LRRTM4: variants seen among roughly 807,000 people sequenced by gnomAD.
The protein encoded by LRRTM4 is leucine rich repeat transmembrane neuronal 4, also known as leucine-rich repeat transmembrane neuronal protein 4.
LRRTM4 carries 25 observed loss-of-function variants against 47.6 expected under a neutral mutation model. That is an observed-to-expected ratio of 0.53 (90% confidence interval 0.38 to 0.73). The LOEUF (loss-of-function observed/expected upper bound fraction) is 0.73, where lower values mean the gene tolerates loss of function less well. LRRTM4 is among the 30% of genes least tolerant of loss of function. LRRTM4 has a pLI of 0.00. For missense variants in LRRTM4, 638 were observed against 713.4 expected (o/e 0.89, Z 1.20); for synonymous variants, 311 against 269.5 (o/e 1.15, Z -1.51).
At chr2:76,923,343 T>G (rs6708694) in intron 3 of LRRTM4, among the ~76,000 whole-genome samples, 11,481 of 151,982 alleles carry the variant, frequency 0.076, 1,074 homozygotes, top group African/African-American at 0.21. Flanking sequence ...GTAGAAAGTT[T>G]GTGAGCTGGT....
At chr2:76,914,471 T>C (rs1056686751) in intron 3 of LRRTM4, among the ~76,000 whole-genome samples, 1 of 152,150 alleles carries the variant, frequency 6.6e-6, no homozygotes, top group East Asian at 1.9e-4. Flanking sequence ...GTGTCAAAGA[T>C]GATTTGAATG....
intron 3 of LRRTM4, among the ~76,000 whole-genome samples, chr2:76,989,646 C>T (rs1676933604): frequency 6.6e-6 from 1 of 150,388 alleles, no homozygotes. Flanking sequence ...ATCTCAGTAT[C>T]CTGAGCTAGA....
chr2:77,045,157 G>A (rs1248382895), intron 3 of LRRTM4, among the ~76,000 whole-genome samples: 1 of 151,844 alleles, frequency 6.6e-6, no homozygotes, highest in Non-Finnish European at 1.5e-5. Flanking sequence ...TCTACATGGA[G>A]AGGCAGGGAT....
intron 3 of LRRTM4, among the ~76,000 whole-genome samples, chr2:76,826,677 C>T (rs1671200143): frequency 6.6e-6 from 1 of 151,636 alleles, no homozygotes; most frequent in South Asian, 2.1e-4. Context: ...CACTTTGTGC[C>T]ATTCAGAAGA....
At chr2:77,407,696 G>C (rs572411213) in intron 3 of LRRTM4, among the ~76,000 whole-genome samples, 6,076 of 120,128 alleles carry the variant, frequency 0.051, 451 homozygotes, top group African/African-American at 0.17. Flanking sequence ...TATAATATAT[G>C]ATATATATAA....
At chr2:77,433,887 A>C (rs1038032197) in intron 3 of LRRTM4, among the ~76,000 whole-genome samples, 3 of 152,188 alleles carry the variant, frequency 2.0e-5, no homozygotes, top group Admixed American at 6.5e-5. Context: ...CTGTTTAGGA[A>C]TAGGTCTCTG....
intron 3 of LRRTM4, among the ~76,000 whole-genome samples, chr2:77,357,838 A>G (rs1672026447): frequency 6.6e-6 from 1 of 152,186 alleles, no homozygotes; most frequent in African/African-American, 2.4e-5. Flanking sequence ...GCTCACTATA[A>G]AATCTTAATA....
chr2:77,077,355 C>T (rs1326845456), intron 3 of LRRTM4, among the ~76,000 whole-genome samples: 1 of 151,982 alleles, frequency 6.6e-6, no homozygotes, highest in East Asian at 1.9e-4. Flanking sequence ...TAGCTTATTC[C>T]CAGTCTAGGA....
At chr2:77,507,305 A>G (rs1413669348) in intron 3 of LRRTM4, among the ~76,000 whole-genome samples, 2 of 152,132 alleles carry the variant, frequency 1.3e-5, no homozygotes, top group African/African-American at 4.8e-5. Context: ...AATCTGTTTC[A>G]ATAAATTTTT....
chr2:76,818,443 T>G (rs1449562509), intron 3 of LRRTM4, among the ~76,000 whole-genome samples: 2 of 151,778 alleles, frequency 1.3e-5, no homozygotes, highest in Admixed American at 6.6e-5. Context: ...AAACTCAATG[T>G]CTCAACTAAA....
intron 3 of LRRTM4, among the ~76,000 whole-genome samples, chr2:76,811,142 G>C (rs1483801359): frequency 1.3e-5 from 2 of 152,026 alleles, no homozygotes; most frequent in African/African-American, 4.8e-5. Flanking sequence ...ATGAACCCTG[G>C]AATTTCCATA....
intron 3 of LRRTM4, among the ~76,000 whole-genome samples, chr2:77,110,665 A>C (rs1394474666): frequency 6.6e-6 from 1 of 152,176 alleles, no homozygotes; most frequent in South Asian, 2.1e-4. Context: ...CTTGTGAAAT[A>C]TACCATGCAA....
chr2:77,451,287 T>C (rs1230559514), intron 3 of LRRTM4, among the ~76,000 whole-genome samples: 2 of 152,220 alleles, frequency 1.3e-5, no homozygotes. Context: ...TTGCATGTTA[T>C]ATATTTTTTA....
chr2:76,856,713 G>C (rs912634448), intron 3 of LRRTM4, among the ~76,000 whole-genome samples: 8 of 151,858 alleles, frequency 5.3e-5, no homozygotes, highest in Non-Finnish European at 1.0e-4. Context: ...TAAATGACTT[G>C]AAAATATTTT....
At chr2:77,462,782 T>C (rs1676838888) in intron 3 of LRRTM4, among the ~76,000 whole-genome samples, 1 of 151,922 alleles carries the variant, frequency 6.6e-6, no homozygotes, top group Non-Finnish European at 1.5e-5. Context: ...AAAAATAAAA[T>C]CACAAATTGC....
At chr2:76,771,088 C>G (rs775044463) in intron 3 of LRRTM4, among the ~76,000 whole-genome samples, 1 of 151,942 alleles carries the variant, frequency 6.6e-6, no homozygotes, top group Non-Finnish European at 1.5e-5. Context: ...ATATTTGCCT[C>G]TTCTTGTACT....
intron 3 of LRRTM4, among the ~76,000 whole-genome samples, chr2:76,965,122 A>G (rs777560401): frequency 6.0e-5 from 9 of 151,222 alleles, no homozygotes; most frequent in Non-Finnish European, 1.2e-4. Flanking sequence ...ATATTTAAGT[A>G]GGAAATGATA....
intron 3 of LRRTM4, among the ~76,000 whole-genome samples, chr2:76,919,364 A>C (rs558917538): frequency 1.3e-5 from 2 of 152,330 alleles, no homozygotes; most frequent in East Asian, 3.9e-4. Context: ...GTGAAACAAC[A>C]CAACAAAATT....
At chr2:77,182,652 C>T (rs527435425) in intron 3 of LRRTM4, among the ~76,000 whole-genome samples, 221 of 152,232 alleles carry the variant, frequency 1.5e-3, no homozygotes, top group African/African-American at 5.1e-3. Context: ...TTGACTTCCT[C>T]TTTTTCTAAT....
Sources: allele counts gnomAD v4.1 joint callset (sites outside exome capture counted in the v4.1 genomes callset), GRCh38; gene constraint gnomAD v4.1.1; transcripts MANE v1.5; gene names NCBI Gene and HGNC (gene_info 2026-07-23, HGNC 2026-07-21).